The following PRPF8 variants were observed in gnomAD, a reference collection of about 807,000 sequenced individuals.
PRPF8 encodes pre-mRNA-processing-splicing factor 8.
In PRPF8, 64 loss-of-function variants were observed where a neutral mutation model predicts 285.9. The observed-to-expected ratio is 0.22, with a 90% CI of 0.18 to 0.28. PRPF8 has a LOEUF of 0.28. PRPF8 is among the 10% of genes least tolerant of loss of function. The probability of loss-of-function intolerance (pLI) is 1.00; values close to 1 mark genes in which losing one functional copy is unlikely to be tolerated. For missense variants in PRPF8, 1,426 were observed against 3,026.7 expected (o/e 0.47, Z 12.41); for synonymous variants, 1,325 against 1,118.2 (o/e 1.18, Z -3.69).
chr17:1,674,302 G>C, intron 21 of PRPF8, 140 bp downstream of exon 21: 1 of 914,962 alleles, frequency 1.1e-6, no homozygotes, highest in South Asian at 1.4e-5. Context: ...GATTACAGGC[G>C]TGAGCTACCG....
chr17:1,667,201 G>A (rs1452447413), intron 24 of PRPF8, among the ~76,000 whole-genome samples: 3 of 152,122 alleles, frequency 2.0e-5, no homozygotes, highest in African/African-American at 7.2e-5. Context: ...CAGGGGCCAG[G>A]ATAGGCTAGA....
intron 24 of PRPF8, among the ~76,000 whole-genome samples, chr17:1,667,588 G>T (rs1379048501): frequency 1.5e-5 from 2 of 132,786 alleles, no homozygotes; most frequent in African/African-American, 2.8e-5. Context: ...TTGTCACCCA[G>T]GCTGGAGTGC....
chr17:1,661,243 T>A lies in PRPF8; in HGVS notation c.4338+28A>T. The A allele has an allele frequency of 6.2e-7, 1 of 1,614,114 alleles. No individual in the cohort carries two copies. Among genetic ancestry groups the A allele is most frequent in the Non-Finnish European group, 8.5e-7 (1 of 1,180,018 alleles). ...GGGGATAGCCATGGATTTTCCTGAC[T>A]CAGGGAAAATCTGCTCCCTCTACAT... On this transcript the variant is annotated intron_variant, in intron 27 of 42. Transcript: ENST00000304992. The surrounding 1 kb of genome is among the most constrained non-coding windows in gnomAD (Gnocchi z 7.3).
intron 14 of PRPF8, 104 bp downstream of exon 14, chr17:1,677,461 C>A: frequency 6.5e-7 from 1 of 1,548,732 alleles, no homozygotes. Context: ...TAAAGGCAAT[C>A]CAGTAGGAAG....
chr17:1,677,654 G>A lies in PRPF8; in HGVS notation c.1895C>T (p.Ala632Val). The A allele has an allele frequency of 8.1e-6, 13 of 1,613,922 alleles. No individual in the cohort carries two copies. The highest frequency in any genetic ancestry group is 1.0e-5 in the Non-Finnish European group (12 of 1,180,002). Residue 632 changes from alanine to valine, a missense_variant, in exon 14 of 43, where the codon GCC becomes GTC. Ala to Val is a moderately conservative substitution (Grantham distance 64). Around this residue, in one of 34 missense-constraint regions of PRPF8, gnomAD observed 69 missense variants for 134.7 expected, o/e 0.51. Coordinates refer to ENST00000304992, the MANE Select transcript of PRPF8 (RefSeq NM_006445.4). ...GAAAAAGAGCCAGACTCGCCAACCG[G>A]CAGCCCAGAAGCCACAGCCAGGACC... ...GKGPGCGFWA[A>V]GWRVWLFFMR...
intron 8 of PRPF8, 45 bp downstream of exon 8, chr17:1,680,681 T>C (rs750051226): frequency 5.8e-6 from 9 of 1,548,484 alleles, no homozygotes; most frequent in Admixed American, 1.7e-5. Flanking sequence ...ACCTCACGCA[T>C]TTCTCCTAGA....
chr17:1,674,059 T>C (rs537317332), intron 21 of PRPF8, among the ~76,000 whole-genome samples, 167 bp from the exon 22 acceptor site: 52 of 152,126 alleles, frequency 3.4e-4, no homozygotes, highest in African/African-American at 1.2e-3. Flanking sequence ...AGTCTCGCTC[T>C]TTCCCCAGGC....
Position 1,675,296 on chromosome 17 carries a change from C to G in PRPF8, c.2916G>C (p.Glu972Asp), listed in dbSNP as rs1463484912. 8 of 1,614,086 alleles carry G rather than the reference C, an allele frequency of 5.0e-6. No individual in the cohort carries two copies. Among genetic ancestry groups the G allele is most frequent in the Admixed American group, 1.7e-5 (1 of 60,006 alleles). Residue 972 changes from glutamate (E) to aspartate (D), a missense_variant, in exon 20 of 43, where the codon GAG becomes GAC. Physicochemically the swap from Glu to Asp is conservative, Grantham distance 45. Around this residue, in one of 34 missense-constraint regions of PRPF8, gnomAD observed 37 missense variants for 43.4 expected, o/e 0.85. Transcript: ENST00000304992. The surrounding 1 kb of genome is among the most constrained non-coding windows in gnomAD (Gnocchi z 6.0). Reference protein sequence around the residue: ...LQDVWETSEGECNVMLESRFE... With the variant: ...LQDVWETSEGDCNVMLESRFE... ...AGCGGGATTCCAGCATGACATTGCA[C>G]TCGCCTTCACTCGTCTCCCACACGT...
At chr17:1,674,758 C>T (rs901720088) in intron 20 of PRPF8, 78 bp from the exon 21 acceptor site, 1 of 1,457,458 alleles carries the variant, frequency 6.9e-7, no homozygotes. Flanking sequence ...TTTTGTTCTC[C>T]CCTCAGCAAA....
chr17:1,684,450 C>G, intron 2 of PRPF8, 22 bp downstream of exon 2: 4 of 1,612,230 alleles, frequency 2.5e-6, no homozygotes, highest in Non-Finnish European at 3.4e-6. Flanking sequence ...GGCCCGCGCG[C>G]CGCTCCACAC....
intron 24 of PRPF8, among the ~76,000 whole-genome samples, chr17:1,671,678 C>T (rs1912327152): frequency 6.6e-6 from 1 of 151,860 alleles, no homozygotes; most frequent in Non-Finnish European, 1.5e-5. Context: ...GGTGAAACCC[C>T]TTCTCTACCA....
chr17:1,675,240 G>A lies in PRPF8; in HGVS notation c.2972C>T (p.Thr991Ile). 1 of 1,614,178 alleles carries A rather than the reference G, an allele frequency of 6.2e-7. No homozygotes were observed. The highest frequency in any genetic ancestry group is 8.5e-7 in the Non-Finnish European group (1 of 1,180,042). ...FEKMYEKIDL[T>I]LLNRLLRLIV... is the part of the protein sequence containing the mutation. ...GAGGCGCAGCAGCCTGTTGAGCAGA[G>A]TCAAGTCGATCTTCTCATACATCTT... The change falls in exon 20 of 43, where the codon ACT becomes ATT. Residue 991 changes from threonine to isoleucine, a missense_variant. By Grantham distance (89) the Thr-to-Ile change is moderately conservative (BLOSUM62 -1). Coordinates refer to ENST00000304992, the MANE Select transcript of PRPF8 (RefSeq NM_006445.4). The surrounding 1 kb of genome is among the most constrained non-coding windows in gnomAD (Gnocchi z 6.0).
chr17:1,665,410 C>T (rs181893118), intron 24 of PRPF8, among the ~76,000 whole-genome samples: 5 of 151,704 alleles, frequency 3.3e-5, no homozygotes, highest in African/African-American at 1.2e-4. Flanking sequence ...TGGTGGCAGG[C>T]GACTATAGTC....
At position 1,684,802 on chromosome 17, in the gene PRPF8, G is replaced by T. The variant is rs886052621; in HGVS notation, c.-34C>A. 36 of 599,186 alleles carry T rather than the reference G, an allele frequency of 6.0e-5. No individual in the cohort carries two copies. Among genetic ancestry groups the T allele is most frequent in the Non-Finnish European group, 9.5e-5 (32 of 335,096 alleles). 37.1% of individuals were successfully genotyped at this position (599,186 alleles called of 1,614,324 possible). A position where few individuals can be genotyped will look rare whatever the true frequency, so the allele number is the denominator to read the frequency against. ...CACCCCACAGGCCCTCACACAAGAG[G>T]CCGCTTTCCCCGCAGCGCAATGGCG... On this transcript the variant is annotated 5_prime_UTR_variant, in exon 1 of 43. Coordinates refer to ENST00000304992, the MANE Select transcript of PRPF8 (RefSeq NM_006445.4).
intron 14 of PRPF8, 191 bp downstream of exon 14, chr17:1,677,374 G>A (rs755169706): frequency 5.1e-6 from 5 of 975,338 alleles, no homozygotes; most frequent in East Asian, 2.5e-5. Context: ...TCCTGCAAAT[G>A]CATGACTGCC....
intron 37 of PRPF8, chr17:1,654,366 C>T (rs1156467135): frequency 2.3e-6 from 1 of 443,158 alleles, no homozygotes; most frequent in African/African-American, 2.0e-5. Context: ...TGTCCGTCAC[C>T]CTATGGATAA....
intron 24 of PRPF8, among the ~76,000 whole-genome samples, chr17:1,666,361 C>T (rs986716716): frequency 6.6e-6 from 1 of 151,692 alleles, no homozygotes; most frequent in African/African-American, 2.4e-5. Flanking sequence ...CCAGCCTGGG[C>T]AACATGGCGA....
At chr17:1,655,118 C>T (rs1195456902) in intron 37 of PRPF8, 15 of 530,446 alleles carry the variant, frequency 2.8e-5, no homozygotes, top group South Asian at 1.0e-4. Context: ...CCATCGCACC[C>T]GGCTAACTTT....
rs59164655 is a variant in PRPF8 at position 1,652,712 on chromosome 17, G to GT, written c.6369+829dup. On this transcript the variant is annotated intron_variant, in intron 39 of 42. Transcript: ENST00000304992. ...AGGTGTATGCCACCATGCCTGGCTA[G>GT]TTTTTTTTTTTTTTTTTTGTAGAGA... 3.7e-3 allele frequency: 469 copies of GT among 125,500 alleles called. 6 individuals carry two copies. The highest frequency in any genetic ancestry group is 0.031 in the East Asian group (130 of 4,174). 7.8% of individuals were successfully genotyped at this position (125,500 alleles called of 1,614,324 possible).
Sources: gnomAD v4.1 joint callset for allele counts (sites outside exome capture counted in the v4.1 genomes callset) on GRCh38, gnomAD v4.1.1 for gene constraint, gnomAD v4.1.1 regional missense constraint, Gnocchi (gnomAD v3.1) non-coding constraint, MANE v1.5 for transcripts, NCBI Gene and HGNC (gene_info 2026-07-23, HGNC 2026-07-21) for gene names.